The following PTPRM variants were observed in gnomAD, a reference collection of about 807,000 sequenced individuals.
PTPRM encodes the protein receptor-type tyrosine-protein phosphatase mu.
A neutral mutation model predicts 186.7 loss-of-function variants in PTPRM; 47 were observed. The observed-to-expected ratio is 0.25, with a 90% CI of 0.20 to 0.32. The LOEUF (loss-of-function observed/expected upper bound fraction) is 0.32. Among genes scored for constraint, PTPRM ranks in the 10% least tolerant of loss-of-function variants. The pLI, the probability that PTPRM is intolerant of heterozygous loss-of-function variation, is 1.00. For missense variants in PTPRM, 1,494 were observed against 1,865.0 expected (o/e 0.80, Z 3.66); for synonymous variants, 668 against 674.9 (o/e 0.99, Z 0.16).
intron 1 of PTPRM, among the ~76,000 whole-genome samples, chr18:7,711,716 G>A (rs1427598859): frequency 6.6e-6 from 1 of 152,180 alleles, no homozygotes; most frequent in Non-Finnish European, 1.5e-5. Context: ...AAAGCCTGGG[G>A]GAAGTTCCAA....
At chr18:8,343,545 G>A in intron 23 of PTPRM, 25 bp downstream of exon 23, 1 of 1,605,224 alleles carries the variant, frequency 6.2e-7, no homozygotes, top group South Asian at 1.1e-5. Flanking sequence ...TGCTGCAAAT[G>A]GCCATTTTGT....
chr18:8,074,415 A>T (rs1335757802), intron 8 of PTPRM, among the ~76,000 whole-genome samples: 1 of 152,170 alleles, frequency 6.6e-6, no homozygotes, highest in Non-Finnish European at 1.5e-5. Context: ...CTGAGTACAT[A>T]CCTAGGAGTG....
chr18:7,857,035 A>G lies in PTPRM; in HGVS notation c.197-31071A>G, dbSNP rs188873632. On this transcript the variant is annotated intron_variant, in intron 2 of 32. Coordinates refer to ENST00000580170, the MANE Select transcript of PTPRM (RefSeq NM_001105244.2). The stretch of plus-strand genomic sequence containing the variant: ...ATGCTTTCCTGCTCCCTCTCCTTTT[A>G]TTTCCCTATCATTGCTCAATCTCAC... Among the ~76,000 whole-genome samples the G allele has an allele frequency of 3.8e-4, 58 of 152,200 alleles. No individual in the cohort carries two copies. The East Asian group carries it at 0.01, about 27-fold the overall frequency.
intron 13 of PTPRM, among the ~76,000 whole-genome samples, chr18:8,135,867 G>A (rs1220943285): frequency 6.6e-6 from 1 of 152,178 alleles, no homozygotes; most frequent in Admixed American, 6.5e-5. Context: ...CTTCTAGCAA[G>A]CATACAGAAT....
intron 1 of PTPRM, among the ~76,000 whole-genome samples, chr18:7,696,355 A>T (rs887023272): frequency 6.6e-6 from 1 of 152,146 alleles, no homozygotes; most frequent in Non-Finnish European, 1.5e-5. Context: ...ATGACATCTA[A>T]ATTTGAATTT....
At chr18:8,113,293 A>C (rs1322194226) in intron 11 of PTPRM, among the ~76,000 whole-genome samples, 193 bp from the exon 12 acceptor site, 1 of 152,212 alleles carries the variant, frequency 6.6e-6, no homozygotes, top group Non-Finnish European at 1.5e-5. Flanking sequence ...AGTTCTGAAG[A>C]AGAACTGAAG....
chr18:7,571,771 T>C (rs929139158), intron 1 of PTPRM, among the ~76,000 whole-genome samples: 4 of 152,224 alleles, frequency 2.6e-5, no homozygotes, highest in African/African-American at 9.6e-5. Context: ...GTTAATTTCT[T>C]AGCTTTGGTA....
At chr18:8,109,496 A>G (rs753336610) in intron 11 of PTPRM, among the ~76,000 whole-genome samples, 4 of 152,190 alleles carry the variant, frequency 2.6e-5, no homozygotes, top group African/African-American at 2.4e-5. Context: ...AAAAAGCAGT[A>G]TGTCTGGAGT....
At position 8,084,469 on chromosome 18, in the gene PTPRM, A is replaced by G. The variant is rs144311415; in HGVS notation, c.1552-1202A>G. On this transcript the variant is annotated intron_variant, in intron 9 of 32. Transcript: ENST00000580170. The stretch of plus-strand genomic sequence containing the variant: ...ACAATAGATACTCTGCATGACTCCA[A>G]TAGTGTCATGCAGTGCAGTGATTAA... Among the ~76,000 whole-genome samples the G allele has an allele frequency of 1.2e-4, 19 of 152,286 alleles. 1 individual carries two copies. In the East Asian group the frequency reaches 2.5e-3, roughly 20 times the overall value.
chr18:8,386,264 T>A (rs1013453754), intron 30 of PTPRM, among the ~76,000 whole-genome samples: 2 of 152,062 alleles, frequency 1.3e-5, no homozygotes, highest in Admixed American at 6.5e-5. Context: ...ATATTGGTAA[T>A]ATCTAAAGCC....
intron 14 of PTPRM, among the ~76,000 whole-genome samples, chr18:8,179,535 T>C (rs1035437354): frequency 1.3e-5 from 2 of 151,516 alleles, no homozygotes; most frequent in Non-Finnish European, 2.9e-5. Flanking sequence ...AGTGGTGCAA[T>C]CTCAGCTCAC....
chr18:7,742,661 G>A (rs1242310251), intron 1 of PTPRM, among the ~76,000 whole-genome samples: 1 of 152,112 alleles, frequency 6.6e-6, no homozygotes. Context: ...CAACATGGAA[G>A]AGACCCCAGT....
chr18:7,955,197 C>T lies in PTPRM; in HGVS notation c.915C>T (p.Asn305=). Residue 305 remains asparagine (N), a synonymous_variant, in exon 7 of 33, where the codon AAC becomes AAT. Transcript: ENST00000580170. ...ATYLWIQLNA[N]SINGDGPIVA... is the part of the protein sequence containing the mutation. ...ACCTGTGGATACAGCTCAACGCCAA[C>T]TCCATCAATGGGGATGGGCCCATTG... 6.2e-7 allele frequency: 1 copy of T among 1,614,222 alleles called. No homozygotes were observed. Among genetic ancestry groups the T allele is most frequent in the Non-Finnish European group, 8.5e-7 (1 of 1,180,046 alleles).
chr18:7,949,488 G>T, intron 6 of PTPRM, 133 bp downstream of exon 6: 1 of 730,712 alleles, frequency 1.4e-6, no homozygotes, highest in South Asian at 3.0e-5. Flanking sequence ...AGGCTATTTT[G>T]ATGGATTGCA....
At chr18:8,375,364 A>G (rs2095688182) in intron 24 of PTPRM, among the ~76,000 whole-genome samples, 1 of 152,162 alleles carries the variant, frequency 6.6e-6, no homozygotes, top group Non-Finnish European at 1.5e-5. Context: ...TAGCCCTAGC[A>G]CCTCCCATAA....
chr18:7,977,729 A>G (rs1447752588), intron 7 of PTPRM, among the ~76,000 whole-genome samples: 1 of 151,656 alleles, frequency 6.6e-6, no homozygotes, highest in Non-Finnish European at 1.5e-5. Context: ...CTTTGGGGGC[A>G]AGGGGAAACA....
At chr18:7,942,952 T>C (rs2052284599) in intron 5 of PTPRM, among the ~76,000 whole-genome samples, 1 of 152,188 alleles carries the variant, frequency 6.6e-6, no homozygotes, top group Non-Finnish European at 1.5e-5. Flanking sequence ...CATTTTTTGC[T>C]TTAAGAACCA....
intron 19 of PTPRM, among the ~76,000 whole-genome samples, chr18:8,270,925 T>G (rs2094764118): frequency 6.6e-6 from 1 of 152,110 alleles, no homozygotes; most frequent in Non-Finnish European, 1.5e-5. Flanking sequence ...ATGTACAGCA[T>G]GGTACAGCAT....
chr18:7,963,401 G>A (rs2053811685), intron 7 of PTPRM, among the ~76,000 whole-genome samples: 1 of 152,324 alleles, frequency 6.6e-6, no homozygotes, highest in African/African-American at 2.4e-5. Context: ...TGCATGAGAG[G>A]TTCAGAAGCT....
Sources: allele counts gnomAD v4.1 joint callset (sites outside exome capture counted in the v4.1 genomes callset), GRCh38; gene constraint gnomAD v4.1.1; transcripts MANE v1.5; gene names NCBI Gene and HGNC (gene_info 2026-07-23, HGNC 2026-07-21).